SFMBT2: variants seen among roughly 807,000 people sequenced by gnomAD.
SFMBT2 encodes Scm like with four mbt domains 2.
In SFMBT2, 38 loss-of-function variants were observed where a neutral mutation model predicts 110.1. The ratio of observed to expected loss-of-function variants is 0.35; its 90% CI spans 0.27 to 0.45. SFMBT2 has a LOEUF of 0.45. Ranked by LOEUF, SFMBT2 falls within the 20% of genes least tolerant of loss-of-function variation. SFMBT2 has a pLI of 1.00. For synonymous variants in SFMBT2, 425 were observed against 425.4 expected (o/e 1.00, Z 0.01); for missense variants, 1,011 against 1,094.9 (o/e 0.92, Z 1.08).
intron 3 of SFMBT2, chr10:7,368,218 G>T: frequency 4.0e-6 from 2 of 495,234 alleles, no homozygotes; most frequent in Non-Finnish European, 5.2e-6. Context: ...TTTGAATAAA[G>T]CCTCTAAAAC....
rs116107775 is a variant in SFMBT2 at position 7,269,013 on chromosome 10, T to C, written c.870+7879A>G. Among the ~76,000 whole-genome samples, 897 of 151,078 alleles carry C rather than the reference T, an allele frequency of 5.9e-3. 9 individuals carry two copies. The highest frequency in any genetic ancestry group is 0.02 in the African/African-American group (842 of 41,154). On this transcript the variant is annotated intron_variant, in intron 7 of 20. Coordinates refer to ENST00000397167, the MANE Select transcript of SFMBT2 (RefSeq NM_001387889.1). ...ATAGTATATGGATAGTTTTGGCAAATCTTTTAGGCCTCTAAATAACAGGGT... is the reference window on the plus strand; with the variant it reads ...ATAGTATATGGATAGTTTTGGCAAACCTTTTAGGCCTCTAAATAACAGGGT...
At chr10:7,230,728 T>C (rs979802347) in intron 9 of SFMBT2, among the ~76,000 whole-genome samples, 2 of 151,908 alleles carry the variant, frequency 1.3e-5, no homozygotes, top group Non-Finnish European at 2.9e-5. Flanking sequence ...AGGTCAGGAG[T>C]TTGAGAACAG....
intron 4 of SFMBT2, among the ~76,000 whole-genome samples, chr10:7,321,916 T>G (rs1231502262): frequency 6.6e-6 from 1 of 152,244 alleles, no homozygotes; most frequent in African/African-American, 2.4e-5. Flanking sequence ...TTTATGCAAC[T>G]CCAATCAAAA....
At chr10:7,175,608 A>G (rs779498390) in intron 17 of SFMBT2, among the ~76,000 whole-genome samples, 6 of 152,240 alleles carry the variant, frequency 3.9e-5, no homozygotes, top group Non-Finnish European at 5.9e-5. Flanking sequence ...TCATTACACT[A>G]TCCCAGAGTA....
At chr10:7,218,258 C>A (rs1052076324) in intron 11 of SFMBT2, among the ~76,000 whole-genome samples, 1 of 152,080 alleles carries the variant, frequency 6.6e-6, no homozygotes, top group Non-Finnish European at 1.5e-5. Flanking sequence ...TTATTCCCAA[C>A]ATGGAGGAAA....
chr10:7,164,185 G>C (rs1837631247), intron 20 of SFMBT2: 3 of 911,632 alleles, frequency 3.3e-6, no homozygotes, highest in Non-Finnish European at 3.9e-6. Context: ...CCAGGAGTTT[G>C]AGACAAGTCT....
intron 11 of SFMBT2, chr10:7,206,934 A>T (rs1839154833): frequency 3.0e-6 from 3 of 985,282 alleles, no homozygotes. Context: ...CAAGATGAAG[A>T]TAACACAGTG....
At position 7,367,132 on chromosome 10, in the gene SFMBT2, T is replaced by C. The variant is rs1844934150; in HGVS notation, c.436+517A>G. ...AAGTGCTGTATGGTTTTCTAAAAGC[T>C]TGACACCCTGACAGTCTCCCAACAA... is the stretch of plus-strand genomic sequence containing the variant. On this transcript the variant is annotated intron_variant, in intron 4 of 20. Transcript: ENST00000397167. The surrounding 1 kb of genome is among the most constrained non-coding windows in gnomAD (Gnocchi z 6.2). Among the ~76,000 whole-genome samples, 1 of 152,112 alleles carries C rather than the reference T, an allele frequency of 6.6e-6. No individual in the cohort carries two copies. Among genetic ancestry groups the C allele is most frequent in the Admixed American group, 6.5e-5 (1 of 15,276 alleles).
intron 11 of SFMBT2, among the ~76,000 whole-genome samples, chr10:7,210,176 C>T (rs1285131677): frequency 3.3e-5 from 5 of 152,122 alleles, no homozygotes; most frequent in Non-Finnish European, 5.9e-5. Context: ...GCAAACACAC[C>T]ACGGCTCCAC....
chr10:7,236,097 C>T (rs1186814580), intron 9 of SFMBT2, among the ~76,000 whole-genome samples: 2 of 151,410 alleles, frequency 1.3e-5, no homozygotes, highest in Non-Finnish European at 2.9e-5. Context: ...GTGGTACTCT[C>T]TTATACCAGC....
chr10:7,390,445 G>T (rs1845732678), intron 1 of SFMBT2, among the ~76,000 whole-genome samples: 1 of 152,156 alleles, frequency 6.6e-6, no homozygotes, highest in Non-Finnish European at 1.5e-5. Context: ...ACACAGCATA[G>T]GTTTTTATTA....
At chr10:7,289,738 A>G (rs752291744) in intron 4 of SFMBT2, among the ~76,000 whole-genome samples, 2 of 152,246 alleles carry the variant, frequency 1.3e-5, no homozygotes, top group Non-Finnish European at 2.9e-5. Flanking sequence ...TGTACCATAA[A>G]CCTATTACAA....
At chr10:7,309,091 C>T (rs953369991) in intron 4 of SFMBT2, among the ~76,000 whole-genome samples, 4 of 152,094 alleles carry the variant, frequency 2.6e-5, no homozygotes, top group African/African-American at 9.7e-5. Context: ...AGGGTGTTTC[C>T]GAAAGAGGCT....
intron 4 of SFMBT2, among the ~76,000 whole-genome samples, chr10:7,331,909 C>T (rs1588455584): frequency 6.6e-6 from 1 of 150,388 alleles, no homozygotes; most frequent in South Asian, 2.1e-4. Context: ...ACTCAGGAGG[C>T]TGAGGCATGA....
chr10:7,330,905 CG>C (rs1358272894), intron 4 of SFMBT2, among the ~76,000 whole-genome samples: 2 of 152,236 alleles, frequency 1.3e-5, no homozygotes, highest in African/African-American at 2.4e-5. Context: ...CCCATGGTAG[CG>C]TCCTCCCTGG....
intron 8 of SFMBT2, among the ~76,000 whole-genome samples, chr10:7,247,793 A>T (rs1234560022): frequency 6.6e-6 from 1 of 152,254 alleles, no homozygotes; most frequent in Non-Finnish European, 1.5e-5. Flanking sequence ...AGAATACTTA[A>T]GGTAGAAACA....
intron 4 of SFMBT2, among the ~76,000 whole-genome samples, chr10:7,318,602 A>C (rs1191509785): frequency 6.6e-6 from 1 of 152,262 alleles, no homozygotes; most frequent in African/African-American, 2.4e-5. Context: ...ATATGCCTTG[A>C]GCCACAATAT....
At chr10:7,320,094 C>CAG (rs944432126) in intron 4 of SFMBT2, among the ~76,000 whole-genome samples, 78 of 151,150 alleles carry the variant, frequency 5.2e-4, no homozygotes, top group Non-Finnish European at 8.7e-4. Context: ...GAGACAGAGA[C>CAG]AGAGAGAGAG....
rs199579346 is a variant in SFMBT2, at chr10:7,367,915, C to G, written c.196-26G>C. The G allele has an allele frequency of 5.0e-6, 8 of 1,611,644 alleles. No individual in the cohort carries two copies. Among genetic ancestry groups the G allele is most frequent in the East Asian group, 4.5e-5 (2 of 44,852 alleles). On this transcript the variant is annotated intron_variant, in intron 3 of 20. Transcript: ENST00000397167. This position sits in a 1 kb window ranked among gnomAD's most constrained non-coding sequence, Gnocchi z 6.2. ...CTTAAGGAATCAGAAATAGAGAAAA[C>G]CCATTACTACACTAGACACAATACA...
Sources: gnomAD v4.1 joint callset for allele counts (sites outside exome capture counted in the v4.1 genomes callset) on GRCh38, gnomAD v4.1.1 for gene constraint, Gnocchi (gnomAD v3.1) non-coding constraint, MANE v1.5 for transcripts, NCBI Gene and HGNC (gene_info 2026-07-23, HGNC 2026-07-21) for gene names.